ZBTB20: variants seen among roughly 807,000 people sequenced by gnomAD.
The protein encoded by ZBTB20 is zinc finger and BTB domain-containing protein 20.
ZBTB20 carries 9 observed loss-of-function variants against 56.9 expected under a neutral mutation model. The observed-to-expected ratio is 0.16, with a 90% confidence interval of 0.10 to 0.28. ZBTB20 has a LOEUF of 0.28. Among genes scored for constraint, ZBTB20 ranks in the 10% least tolerant of loss-of-function variants. The probability of loss-of-function intolerance (pLI) is 1.00; values close to 1 mark genes in which losing one functional copy is unlikely to be tolerated. For synonymous variants in ZBTB20, 417 were observed against 420.7 expected (o/e 0.99, Z 0.11); for missense variants, 655 against 1,003.0 (o/e 0.65, Z 4.69).
chr3:114,959,544 C>T (rs183113418), intron 3 of ZBTB20, among the ~76,000 whole-genome samples: 1 of 152,132 alleles, frequency 6.6e-6, no homozygotes, highest in African/African-American at 2.4e-5. Flanking sequence ...GACAAATTTG[C>T]AAGGGACACC....
chr3:114,514,959 C>T (rs1394861490), intron 6 of ZBTB20, among the ~76,000 whole-genome samples: 1 of 152,186 alleles, frequency 6.6e-6, no homozygotes, highest in Admixed American at 6.5e-5. Flanking sequence ...ATTTCTTCTA[C>T]TCTTACATTC....
At chr3:114,991,067 C>G (rs1408934331) in intron 2 of ZBTB20, among the ~76,000 whole-genome samples, 2 of 152,134 alleles carry the variant, frequency 1.3e-5, no homozygotes, top group African/African-American at 4.8e-5. Context: ...CTCCTGGATT[C>G]ATTGATTTTT....
chr3:114,592,485 ATT>A (rs1278077894), intron 6 of ZBTB20, among the ~76,000 whole-genome samples: 1 of 152,170 alleles, frequency 6.6e-6, no homozygotes, highest in East Asian at 1.9e-4. Context: ...ATTTAAGTGC[ATT>A]TTCCCAAATA....
rs147889610 is a variant in ZBTB20 at position 114,448,426 on chromosome 3, T to C, written c.-255+51926A>G. On this transcript the variant is annotated intron_variant, in intron 7 of 11. Transcript: ENST00000675478. ...TTTATTACTGTTGTTTTTTTCAGGG[T>C]TGCTGGTGGTGACGGGTGGTACAGT... Among the ~76,000 whole-genome samples, 240 of 152,124 alleles carry C rather than the reference T, an allele frequency of 1.6e-3. 2 individuals carry two copies. The highest frequency in any genetic ancestry group is 5.5e-3 in the African/African-American group (229 of 41,478).
chr3:115,146,947 G>C (rs1317253066), intron 1 of ZBTB20, among the ~76,000 whole-genome samples: 1 of 150,894 alleles, frequency 6.6e-6, no homozygotes, highest in Non-Finnish European at 1.5e-5. Flanking sequence ...GGTCGGGCGA[G>C]GCAGCCGCCG....
At chr3:114,527,587 GT>G (rs1168120500) in intron 6 of ZBTB20, among the ~76,000 whole-genome samples, 1 of 152,174 alleles carries the variant, frequency 6.6e-6, no homozygotes, top group Non-Finnish European at 1.5e-5. Context: ...GTAAAAGGTA[GT>G]TGTCTAATCT....
At chr3:114,603,107 A>G (rs2056884085) in intron 6 of ZBTB20, among the ~76,000 whole-genome samples, 1 of 152,042 alleles carries the variant, frequency 6.6e-6, no homozygotes, top group South Asian at 2.1e-4. Context: ...TTATTAACTT[A>G]TGCTCTTTCT....
chr3:114,572,564 A>G (rs2053555226), intron 6 of ZBTB20, among the ~76,000 whole-genome samples: 1 of 152,226 alleles, frequency 6.6e-6, no homozygotes, highest in Non-Finnish European at 1.5e-5. Flanking sequence ...CAGTCAGTGG[A>G]GGCCTGAGGG....
chr3:114,500,781 A>G (rs1410028705), intron 6 of ZBTB20, among the ~76,000 whole-genome samples: 1 of 152,216 alleles, frequency 6.6e-6, no homozygotes, highest in African/African-American at 2.4e-5. Flanking sequence ...TAAAAAGCTA[A>G]ACATTTAGTT....
At chr3:114,627,653 A>G (rs1449045021) in intron 6 of ZBTB20, among the ~76,000 whole-genome samples, 2 of 152,358 alleles carry the variant, frequency 1.3e-5, no homozygotes, top group Admixed American at 6.5e-5. Flanking sequence ...TAAAACCTGT[A>G]CATATAAATA....
intron 3 of ZBTB20, chr3:114,900,630 G>A (rs1304317290): frequency 6.6e-6 from 1 of 150,704 alleles, no homozygotes; most frequent in African/African-American, 2.4e-5. Flanking sequence ...GCTTTCACTA[G>A]AGGACGAGGC....
At chr3:114,968,015 TA>T (rs1177822818) in intron 3 of ZBTB20, among the ~76,000 whole-genome samples, 1 of 152,094 alleles carries the variant, frequency 6.6e-6, no homozygotes, top group Non-Finnish European at 1.5e-5. Flanking sequence ...AAGAAGATCT[TA>T]GTGTTAACTC....
intron 1 of ZBTB20, among the ~76,000 whole-genome samples, chr3:115,134,281 T>C (rs2084593836): frequency 1.3e-5 from 2 of 152,214 alleles, no homozygotes; most frequent in Admixed American, 1.3e-4. Flanking sequence ...TCTATGTAGA[T>C]TTTTTTAACC....
At chr3:115,057,770 A>G (rs1458844154) in intron 2 of ZBTB20, among the ~76,000 whole-genome samples, 8 of 152,128 alleles carry the variant, frequency 5.3e-5, no homozygotes, top group Non-Finnish European at 1.2e-4. Flanking sequence ...TATGTCCCCA[A>G]AAGTCTTTAT....
At chr3:114,749,049 A>T (rs1248184350) in intron 5 of ZBTB20, among the ~76,000 whole-genome samples, 2 of 152,228 alleles carry the variant, frequency 1.3e-5, no homozygotes, top group African/African-American at 4.8e-5. Flanking sequence ...CTCGATGAGA[A>T]GTCAGGAATG....
chr3:114,784,679 A>G (rs2070364947), intron 5 of ZBTB20, among the ~76,000 whole-genome samples: 2 of 152,222 alleles, frequency 1.3e-5, no homozygotes, highest in South Asian at 4.1e-4. Flanking sequence ...ATTAACTTGT[A>G]AAGTTATTGA....
intron 6 of ZBTB20, among the ~76,000 whole-genome samples, chr3:114,562,129 C>A (rs2052143185): frequency 6.6e-6 from 1 of 151,984 alleles, no homozygotes; most frequent in South Asian, 2.1e-4. Context: ...GAGTCAGTGC[C>A]TTGCTCTGGA....
At chr3:114,860,823 A>T (rs1438186215) in intron 4 of ZBTB20, among the ~76,000 whole-genome samples, 3 of 152,236 alleles carry the variant, frequency 2.0e-5, no homozygotes, top group African/African-American at 7.2e-5. Flanking sequence ...GTCCTGTGCT[A>T]CTTGACAGAA....
chr3:114,647,034 C>G (rs1282172682), intron 6 of ZBTB20, among the ~76,000 whole-genome samples: 1 of 152,080 alleles, frequency 6.6e-6, no homozygotes, highest in Non-Finnish European at 1.5e-5. Flanking sequence ...TCTTGGCTAA[C>G]TGCAAGCTCT....
Sources: gnomAD v4.1 joint callset for allele counts (sites outside exome capture counted in the v4.1 genomes callset) on GRCh38, gnomAD v4.1.1 for gene constraint, MANE v1.5 for transcripts, NCBI Gene and HGNC (gene_info 2026-07-23, HGNC 2026-07-21) for gene names.